ETV6: variants seen among roughly 807,000 people sequenced by gnomAD.
ETV6 encodes ETS variant transcription factor 6.
In ETV6, 16 loss-of-function variants were observed where a neutral mutation model predicts 51.1. That is an observed-to-expected ratio of 0.31 (90% CI 0.21 to 0.48). The LOEUF (loss-of-function observed/expected upper bound fraction) is 0.48. ETV6 is among the 20% of genes least tolerant of loss of function. The pLI is 0.99. For synonymous variants in ETV6, 240 were observed against 224.1 expected, an observed-to-expected ratio of 1.07 and a Z score of -0.64; for missense variants, 458 against 594.8, an observed-to-expected ratio of 0.77 and a Z score of 2.39.
chr12:11,777,211 G>T (rs796967419), intron 2 of ETV6, among the ~76,000 whole-genome samples: 1 of 131,452 alleles, frequency 7.6e-6, no homozygotes, highest in Non-Finnish European at 1.5e-5. Context: ...CTGCACTCCA[G>T]CCTGGGTGAC....
At position 11,876,568 on chromosome 12, in the gene ETV6, C is replaced by T. The variant is rs74740634; in HGVS notation, c.1009+6599C>T. Among the ~76,000 whole-genome samples, 26 of 152,280 alleles carry T rather than the reference C, an allele frequency of 1.7e-4. No homozygotes were observed. The East Asian group carries it at 4.2e-3, about 25-fold the overall frequency. On this transcript the variant is annotated intron_variant, in intron 5 of 7. Transcript: ENST00000396373. ...GCCTGTCTCTTCCTTGGCCTTAATCCAAAACTCTGCTGAGGAAGAAGATTC... is the reference window on the plus strand; with the variant it reads ...GCCTGTCTCTTCCTTGGCCTTAATCTAAAACTCTGCTGAGGAAGAAGATTC...
chr12:11,716,918 C>CAA (rs1865290542), intron 1 of ETV6, among the ~76,000 whole-genome samples: 2 of 152,152 alleles, frequency 1.3e-5, no homozygotes, highest in African/African-American at 2.4e-5. Flanking sequence ...TCTAAGCAGG[C>CAA]AAAGACTCCT....
intron 4 of ETV6, among the ~76,000 whole-genome samples, chr12:11,857,090 A>G (rs1316318158): frequency 3.9e-5 from 6 of 152,256 alleles, no homozygotes; most frequent in African/African-American, 1.4e-4. Flanking sequence ...AACAGAAGGC[A>G]TCATTCAACC....
chr12:11,799,917 C>G (rs1025751983), intron 2 of ETV6, among the ~76,000 whole-genome samples: 4 of 152,170 alleles, frequency 2.6e-5, no homozygotes, highest in Non-Finnish European at 5.9e-5. Context: ...AGGCATACCA[C>G]CATGCCCTGC....
intron 4 of ETV6, among the ~76,000 whole-genome samples, chr12:11,858,472 A>T (rs1591725380): frequency 6.6e-6 from 1 of 152,020 alleles, no homozygotes; most frequent in African/African-American, 2.4e-5. Context: ...CAAAAACTCA[A>T]CGGAAACATA....
chr12:11,808,056 C>T (rs1945855437), intron 2 of ETV6, among the ~76,000 whole-genome samples: 1 of 152,170 alleles, frequency 6.6e-6, no homozygotes, highest in Non-Finnish European at 1.5e-5. Context: ...ATAAAATTCA[C>T]TTGAAAAAGA....
chr12:11,798,649 A>T (rs887783818), intron 2 of ETV6, among the ~76,000 whole-genome samples: 1 of 152,086 alleles, frequency 6.6e-6, no homozygotes, highest in African/African-American at 2.4e-5. Flanking sequence ...AATCTCAATC[A>T]CTCTGTAGCC....
chr12:11,893,578 A>G lies in ETV6; in HGVS notation c.*2532A>G, dbSNP rs1052887437. 1 of 231,410 alleles carries G rather than the reference A, an allele frequency of 4.3e-6. No individual in the cohort carries two copies. The highest frequency in any genetic ancestry group is 2.2e-5 in the African/African-American group (1 of 45,142). 14.3% of individuals were successfully genotyped at this position (231,410 alleles called of 1,614,324 possible). On this transcript the variant is annotated 3_prime_UTR_variant, in exon 8 of 8. Coordinates refer to ENST00000396373, the MANE Select transcript of ETV6 (RefSeq NM_001987.5). ...AGTTAAAACCCCCAAATGCCCCAAA[A>G]TCCAAACCTTCCTGAACGCTATGAC... is the stretch of plus-strand genomic sequence containing the variant.
intron 1 of ETV6, among the ~76,000 whole-genome samples, chr12:11,656,664 C>A (rs553802250): frequency 5.9e-5 from 9 of 151,798 alleles, no homozygotes; most frequent in Non-Finnish European, 1.2e-4. Context: ...TTCTCAGATG[C>A]CTTTCTTTTC....
chr12:11,840,634 G>GT, intron 3 of ETV6: 1 of 391,518 alleles, frequency 2.6e-6, no homozygotes, highest in Non-Finnish European at 5.1e-6. Flanking sequence ...CCCAGCACCC[G>GT]TATCTCCACT....
At chr12:11,812,528 C>T (rs1274542543) in intron 2 of ETV6, among the ~76,000 whole-genome samples, 1 of 152,128 alleles carries the variant, frequency 6.6e-6, no homozygotes, top group Non-Finnish European at 1.5e-5. Context: ...TTTGGGAGAG[C>T]CCTGGGGGTG....
intron 2 of ETV6, among the ~76,000 whole-genome samples, chr12:11,805,024 C>A (rs58238475): frequency 0.027 from 4,145 of 152,220 alleles, 154 homozygotes; most frequent in East Asian, 0.092. Flanking sequence ...CTGAACTTGG[C>A]GTTCTCAGAT....
chr12:11,811,181 T>C (rs1355431640), intron 2 of ETV6, among the ~76,000 whole-genome samples: 1 of 152,206 alleles, frequency 6.6e-6, no homozygotes, highest in Non-Finnish European at 1.5e-5. Flanking sequence ...AACCAGTCTT[T>C]CTGCTTTTAC....
intron 1 of ETV6, among the ~76,000 whole-genome samples, chr12:11,746,078 G>A (rs1213287619): frequency 6.6e-6 from 1 of 152,218 alleles, no homozygotes; most frequent in Non-Finnish European, 1.5e-5. Context: ...TAAGCAACAT[G>A]CATAAGAAGG....
At position 11,650,492 on chromosome 12, in the gene ETV6, A is replaced by C. The variant is rs1286024007; in HGVS notation, c.33+332A>C. ...GTAATTAGTGCGCTTAAAAAAAAAA[A>C]AAACAAAAAACAAAAAAAAAAAACC... On this transcript the variant is annotated intron_variant, in intron 1 of 7. Transcript: ENST00000396373. Among the ~76,000 whole-genome samples the C allele has an allele frequency of 3.2e-4, 22 of 68,740 alleles. 1 individual carries two copies. Among genetic ancestry groups the C allele is most frequent in the African/African-American group, 1.2e-3 (22 of 18,380 alleles). The allele number at this position is 68,740 out of a possible 152,430, so 45.1% of individuals were successfully genotyped here. A position where few individuals can be genotyped will look rare whatever the true frequency, so the allele number is the denominator to read the frequency against.
Position 11,732,146 on chromosome 12 carries a change from CA to C in ETV6, c.34-20303del, listed in dbSNP as rs1334274349. 2.0e-5 allele frequency among the ~76,000 whole-genome samples: 3 copies of C among 152,204 alleles called. No homozygotes were observed. The East Asian group carries it at 5.8e-4, about 29-fold the overall frequency. On this transcript the variant is annotated intron_variant, in intron 1 of 7. Coordinates refer to ENST00000396373, the MANE Select transcript of ETV6 (RefSeq NM_001987.5). ...ATGGCTCAGTGCAAATCTTTAGCAT[CA>C]CCTGGTAGAAGACAACACTGAGCAC...
chr12:11,788,434 C>T (rs1385460232), intron 2 of ETV6, among the ~76,000 whole-genome samples: 1 of 152,148 alleles, frequency 6.6e-6, no homozygotes, highest in African/African-American at 2.4e-5. Flanking sequence ...TGTCATGGAG[C>T]TCTTGAGGAT....
intron 4 of ETV6, among the ~76,000 whole-genome samples, chr12:11,866,751 AGATCTTTT>A (rs1234796012): frequency 6.6e-6 from 1 of 152,226 alleles, no homozygotes; most frequent in African/African-American, 2.4e-5. Context: ...GTTTCCGCTT[AGATCTTTT>A]GATTATACAA....
chr12:11,890,517 T>G (rs1947270660), intron 7 of ETV6, among the ~76,000 whole-genome samples: 1 of 151,716 alleles, frequency 6.6e-6, no homozygotes, highest in South Asian at 2.1e-4. Flanking sequence ...AGCCTTAACC[T>G]CCTGAGCTTA....
Sources: allele counts gnomAD v4.1 joint callset (sites outside exome capture counted in the v4.1 genomes callset), GRCh38; gene constraint gnomAD v4.1.1; transcripts MANE v1.5; gene names NCBI Gene and HGNC (gene_info 2026-07-23, HGNC 2026-07-21).